PPM1H: variants seen among roughly 807,000 people sequenced by gnomAD.
PPM1H encodes protein phosphatase, Mg2+/Mn2+ dependent 1H, also known as protein phosphatase 1H.
PPM1H carries 27 observed loss-of-function variants against 54.9 expected under a neutral mutation model. The observed-to-expected ratio is 0.49, with a 90% confidence interval of 0.36 to 0.68. PPM1H has a LOEUF of 0.68. Among genes scored for constraint, PPM1H ranks in the 30% least tolerant of loss-of-function variants. The pLI, the probability that PPM1H is intolerant of heterozygous loss-of-function variation, is 0.00. For synonymous variants in PPM1H, 305 were observed against 270.8 expected (o/e 1.13, Z -1.24); for missense variants, 596 against 667.8 (o/e 0.89, Z 1.19).
chr12:62,751,480 C>G (rs2076442539), intron 4 of PPM1H, among the ~76,000 whole-genome samples: 3 of 152,182 alleles, frequency 2.0e-5, no homozygotes, highest in Non-Finnish European at 4.4e-5. Context: ...GTTCTTCATG[C>G]TCAGAGTGAA....
At chr12:62,742,997 G>A (rs1361681433) in intron 4 of PPM1H, among the ~76,000 whole-genome samples, 8 of 152,214 alleles carry the variant, frequency 5.3e-5, no homozygotes, top group Admixed American at 5.2e-4. Context: ...GGTTTAGGGT[G>A]TTCTTATGAG....
intron 6 of PPM1H, among the ~76,000 whole-genome samples, chr12:62,712,928 G>A (rs4763192): frequency 0.067 from 10,157 of 152,226 alleles, 443 homozygotes; most frequent in East Asian, 0.11. Context: ...TATTAAATGC[G>A]GGCGCAGCTC....
At chr12:62,669,287 CA>C (rs1016088662) in intron 8 of PPM1H, among the ~76,000 whole-genome samples, 1 of 152,234 alleles carries the variant, frequency 6.6e-6, no homozygotes, top group Admixed American at 6.5e-5. Context: ...CAGAAACAAG[CA>C]ACCCTCCTAT....
chr12:62,906,494 A>T (rs758683894), intron 1 of PPM1H, among the ~76,000 whole-genome samples: 6 of 152,226 alleles, frequency 3.9e-5, no homozygotes, highest in Admixed American at 1.3e-4. Context: ...TCAAAGTTTG[A>T]TTTTAGATAC....
At chr12:62,817,137 G>GAAAAAAAAAAAAAACAAAAAAAAAAAAAA (rs748440124) in intron 2 of PPM1H, among the ~76,000 whole-genome samples, 4 of 67,364 alleles carry the variant, frequency 5.9e-5, no homozygotes, top group Non-Finnish European at 8.3e-5. Context: ...AAAAAAAAAA[G>GAAAAAAAAAAAAAACAAAAAAAAAAAAAA]AAAAAAAAAA....
chr12:62,709,496 T>G (rs1223181796), intron 6 of PPM1H, among the ~76,000 whole-genome samples: 1 of 152,158 alleles, frequency 6.6e-6, no homozygotes, highest in Non-Finnish European at 1.5e-5. Flanking sequence ...ACAGTGCCCT[T>G]TGCTCCGAAT....
At chr12:62,748,099 C>T (rs1311172177) in intron 4 of PPM1H, among the ~76,000 whole-genome samples, 1 of 151,986 alleles carries the variant, frequency 6.6e-6, no homozygotes, top group Admixed American at 6.6e-5. Flanking sequence ...TCCAAGTGGC[C>T]GGGCGCAGTA....
chr12:62,657,006 G>T (rs115964628), intron 9 of PPM1H, among the ~76,000 whole-genome samples: 247 of 152,234 alleles, frequency 1.6e-3, no homozygotes, highest in African/African-American at 5.6e-3. Context: ...TCTTAAGCAG[G>T]TGAAGCTGCT....
intron 4 of PPM1H, among the ~76,000 whole-genome samples, chr12:62,774,084 G>A (rs7303135): frequency 0.18 from 27,624 of 152,104 alleles, 3,033 homozygotes; most frequent in African/African-American, 0.3. Flanking sequence ...ATAGAGGCAG[G>A]TCAGTCTCTG....
chr12:62,902,999 A>G (rs1421076653), intron 1 of PPM1H, among the ~76,000 whole-genome samples: 2 of 152,196 alleles, frequency 1.3e-5, no homozygotes, highest in Non-Finnish European at 2.9e-5. Flanking sequence ...CTTTTTTACA[A>G]GGTACTAAGG....
chr12:62,915,518 G>A (rs1871593840), intron 1 of PPM1H, among the ~76,000 whole-genome samples: 1 of 152,214 alleles, frequency 6.6e-6, no homozygotes, highest in Non-Finnish European at 1.5e-5. Context: ...GGTCCTTAGT[G>A]AATTCACCTG....
chr12:62,762,475 G>A (rs761247849), intron 4 of PPM1H, among the ~76,000 whole-genome samples: 1 of 152,220 alleles, frequency 6.6e-6, no homozygotes, highest in Non-Finnish European at 1.5e-5. Context: ...GCTCAGAAGA[G>A]GCATGGTAGA....
At position 62,934,708 on chromosome 12, in the gene PPM1H, G is replaced by A. The variant is rs1004682712; in HGVS notation, c.29C>T (p.Ala10Val). Residue 10 changes from alanine to valine, a missense_variant, in exon 1 of 10, where the codon GCC (alanine) becomes GTC (valine). Physicochemically the swap from Ala to Val is moderately conservative, Grantham distance 64 (BLOSUM62 0). Around this residue, in one of 3 missense-constraint regions of PPM1H, gnomAD observed 382 missense variants for 387.1 expected, o/e 0.99. Transcript: ENST00000228705. The surrounding 1 kb of genome is among the most constrained non-coding windows in gnomAD (Gnocchi z 4.2). Reference protein sequence around the residue: MLTRVKSAVANFMGGIMAGS... With the variant: MLTRVKSAVVNFMGGIMAGS... ...AGCCATGATGCCGCCCATGAAATTG[G>A]CCACGGCAGATTTCACTCGAGTGAG... The A allele has an allele frequency of 9.1e-5, 146 of 1,605,652 alleles. No individual in the cohort carries two copies. Among genetic ancestry groups the A allele is most frequent in the Non-Finnish European group, 1.2e-4 (146 of 1,175,702 alleles).
At chr12:62,830,317 G>A (rs1417485548) in intron 2 of PPM1H, among the ~76,000 whole-genome samples, 1 of 151,974 alleles carries the variant, frequency 6.6e-6, no homozygotes, top group Non-Finnish European at 1.5e-5. Flanking sequence ...GTGCAGTGGC[G>A]TGATCTCAGC....
chr12:62,896,630 G>A (rs1347344550), intron 1 of PPM1H, among the ~76,000 whole-genome samples: 1 of 152,164 alleles, frequency 6.6e-6, no homozygotes, highest in Non-Finnish European at 1.5e-5. Flanking sequence ...GGAGAAATAG[G>A]AACGCTTTTA....
intron 2 of PPM1H, among the ~76,000 whole-genome samples, chr12:62,821,132 C>A (rs2076901012): frequency 6.6e-6 from 1 of 152,092 alleles, no homozygotes; most frequent in Non-Finnish European, 1.5e-5. Flanking sequence ...CATGCACAAG[C>A]TTCGATAGCC....
At chr12:62,696,954 G>A (rs1565759925) in intron 6 of PPM1H, among the ~76,000 whole-genome samples, 2 of 152,092 alleles carry the variant, frequency 1.3e-5, no homozygotes, top group South Asian at 2.1e-4. Context: ...CACTCTCTTC[G>A]GGTGACCAGC....
chr12:62,705,707 C>A (rs1199944357), intron 6 of PPM1H, among the ~76,000 whole-genome samples: 1 of 152,152 alleles, frequency 6.6e-6, no homozygotes, highest in Non-Finnish European at 1.5e-5. Context: ...TAGCTCTCTC[C>A]ACCGATATGA....
intron 6 of PPM1H, among the ~76,000 whole-genome samples, chr12:62,697,113 C>A (rs1285922630): frequency 6.6e-6 from 1 of 150,614 alleles, no homozygotes; most frequent in African/African-American, 2.5e-5. Flanking sequence ...GGAAAGTCAG[C>A]AGAAGTGATG....
Sources: gnomAD v4.1 joint callset for allele counts (sites outside exome capture counted in the v4.1 genomes callset) on GRCh38, gnomAD v4.1.1 for gene constraint, gnomAD v4.1.1 regional missense constraint, Gnocchi (gnomAD v3.1) non-coding constraint, MANE v1.5 for transcripts, NCBI Gene and HGNC (gene_info 2026-07-23, HGNC 2026-07-21) for gene names.